Variants in DSC3 observed in about 807,000 individuals in gnomAD.
DSC3 encodes the protein desmocollin 3, also known as desmocollin-3.
DSC3 carries 97 observed loss-of-function variants against 89.5 expected under a neutral mutation model. The ratio of observed to expected loss-of-function variants is 1.08; its 90% CI spans 0.92 to 1.28. The LOEUF is 1.28. Ranked by LOEUF, DSC3 falls within the 50% of genes most tolerant of loss-of-function variation. DSC3 has a pLI of 0.00. For synonymous variants in DSC3, 436 were observed against 384.1 expected (o/e 1.14, Z -1.58); for missense variants, 1,199 against 1,085.3 (o/e 1.10, Z -1.47).
intron 1 of DSC3, 148 bp downstream of exon 1, chr18:31,042,444 C>T (rs1986164671): frequency 1.2e-6 from 1 of 804,132 alleles, no homozygotes. Flanking sequence ...TCCTGCAGGC[C>T]CGAACTTGGG....
chr18:31,027,645 T>A (rs1243636407), intron 4 of DSC3, among the ~76,000 whole-genome samples: 1 of 152,130 alleles, frequency 6.6e-6, no homozygotes, highest in East Asian at 1.9e-4. Context: ...GGAACATGGC[T>A]ATGGTGTTTT....
At chr18:31,029,166 T>C (rs1368258623) in intron 4 of DSC3, among the ~76,000 whole-genome samples, 1 of 152,174 alleles carries the variant, frequency 6.6e-6, no homozygotes, top group South Asian at 2.1e-4. Context: ...ATCCTACTTC[T>C]GTCTCCTTCA....
intron 1 of DSC3, among the ~76,000 whole-genome samples, chr18:31,037,272 C>T (rs2144740368): frequency 6.6e-6 from 1 of 152,218 alleles, no homozygotes; most frequent in Middle Eastern, 3.4e-3. Flanking sequence ...AAGCTTATAT[C>T]CATGAAACTT....
At chr18:31,013,693 A>G (rs1598538888) in intron 9 of DSC3, among the ~76,000 whole-genome samples, 1 of 152,292 alleles carries the variant, frequency 6.6e-6, no homozygotes, top group Admixed American at 6.5e-5. Context: ...ATGCTCAGCT[A>G]CACTGAAACA....
intron 9 of DSC3, among the ~76,000 whole-genome samples, chr18:31,015,193 G>A (rs1015062172): frequency 1.3e-5 from 2 of 151,936 alleles, no homozygotes; most frequent in African/African-American, 4.8e-5. Flanking sequence ...AATGTATTGG[G>A]GAAATTTTTG....
In DSC3 at chr18:30,992,447, A is replaced by C. The variant is rs1984298529; in HGVS notation, c.*1728T>G. The C allele has an allele frequency of 6.6e-6, 1 of 152,198 alleles. No individual in the cohort carries two copies. The highest frequency in any genetic ancestry group is 2.4e-5 in the African/African-American group (1 of 41,446). 9.4% of individuals were successfully genotyped at this position (152,198 alleles called of 1,614,324 possible). The stretch of plus-strand genomic sequence containing the variant: ...TCTCCTTGATTTCTCACTCCAAATA[A>C]GGTGAGCCATAGAGAAGAGGTTGGC... On this transcript the variant is annotated 3_prime_UTR_variant, in exon 16 of 16. Coordinates refer to ENST00000360428, the MANE Select transcript of DSC3 (RefSeq NM_001941.5).
Position 30,989,863 on chromosome 18 carries a change from C to A in DSC3, c.*4312G>T. ...TATCAGGTTGATAGGTGCAGCAAAC[C>A]ACCATGGGACACGTTTACCTATGTA... On this transcript the variant is annotated 3_prime_UTR_variant, in exon 16 of 16. Coordinates refer to ENST00000360428, the MANE Select transcript of DSC3 (RefSeq NM_001941.5). The A allele has an allele frequency of 6.6e-6, 1 of 152,536 alleles. No individual in the cohort carries two copies. The highest frequency in any genetic ancestry group is 2.0e-4 in the South Asian group (1 of 5,060). 9.4% of individuals were successfully genotyped at this position (152,536 alleles called of 1,614,324 possible).
rs1459603964 is a variant in DSC3, at chr18:30,992,415, A to C, written c.*1760T>G. On this transcript the variant is annotated 3_prime_UTR_variant, in exon 16 of 16. Coordinates refer to ENST00000360428, the MANE Select transcript of DSC3 (RefSeq NM_001941.5). ...ATGCCTTCAGACTCATCATGCAGTCAGCTCTGTCTCCTTGATTTCTCACTC... is the reference window on the plus strand; with the variant it reads ...ATGCCTTCAGACTCATCATGCAGTCCGCTCTGTCTCCTTGATTTCTCACTC... The C allele has an allele frequency of 6.6e-6, 1 of 152,258 alleles. No individual in the cohort carries two copies. Among genetic ancestry groups the C allele is most frequent in the Non-Finnish European group, 1.5e-5 (1 of 68,064 alleles). The allele number at this position is 152,258 out of a possible 1,614,324, so 9.4% of individuals were successfully genotyped here. A position where few individuals can be genotyped will look rare whatever the true frequency, so the allele number is the denominator to read the frequency against.
At chr18:31,037,460 A>G (rs1438016329) in intron 1 of DSC3, among the ~76,000 whole-genome samples, 1 of 152,240 alleles carries the variant, frequency 6.6e-6, no homozygotes, top group Admixed American at 6.5e-5. Flanking sequence ...TGCTGAACAG[A>G]AACACCTGTA....
intron 8 of DSC3, 128 bp from the exon 9 acceptor site, chr18:31,018,384 T>C (rs1404279268): frequency 2.5e-6 from 2 of 786,346 alleles, no homozygotes; most frequent in Non-Finnish European, 3.9e-6. Flanking sequence ...CTATGAATCG[T>C]AAACACTATT....
At chr18:31,027,065 C>T (rs78231221) in intron 4 of DSC3, among the ~76,000 whole-genome samples, 5 of 152,250 alleles carry the variant, frequency 3.3e-5, no homozygotes, top group East Asian at 3.9e-4. Context: ...CAATAAAATG[C>T]ACCTATTCCA....
intron 4 of DSC3, among the ~76,000 whole-genome samples, chr18:31,028,181 C>T (rs1985663045): frequency 6.6e-6 from 1 of 152,016 alleles, no homozygotes; most frequent in African/African-American, 2.4e-5. Context: ...ATTGACTGAG[C>T]CCTGGAGCTC....
Position 31,025,745 on chromosome 18 carries a change from C to G in DSC3, c.630+15G>C, listed in dbSNP as rs1440459662. 6.2e-7 allele frequency: 1 copy of G among 1,611,414 alleles called. No homozygotes were observed. Among genetic ancestry groups the G allele is most frequent in the Non-Finnish European group, 8.5e-7 (1 of 1,178,044 alleles). ...TTTAATAATTTAAAGTCAGGCATAT[C>G]AATAAAAGTCCTACATCAAAAACAT... On this transcript the variant is annotated intron_variant, in intron 5 of 15. Coordinates refer to ENST00000360428, the MANE Select transcript of DSC3 (RefSeq NM_001941.5).
rs1319461779 is a variant in DSC3, at chr18:31,031,185, A to T, written c.155-13T>A. 1 of 1,598,306 alleles carries T rather than the reference A, an allele frequency of 6.3e-7. No homozygotes were observed. The highest frequency in any genetic ancestry group is 8.5e-7 in the Non-Finnish European group (1 of 1,169,904). ...TCTTCCAAATTAACTGCAAGTAAAA[A>T]TTTCCAAGTTGTAAGGTAAAAACAC... is the stretch of plus-strand genomic sequence containing the variant. On this transcript the variant is annotated splice_polypyrimidine_tract_variant and intron_variant, in intron 2 of 15. Coordinates refer to ENST00000360428, the MANE Select transcript of DSC3 (RefSeq NM_001941.5).
chr18:31,032,520 T>C (rs978236798), intron 1 of DSC3, among the ~76,000 whole-genome samples: 3 of 151,260 alleles, frequency 2.0e-5, no homozygotes, highest in Non-Finnish European at 4.4e-5. Context: ...AACAAGACAA[T>C]GATGTCTGCT....
chr18:31,008,698 T>C (rs1411432421), intron 9 of DSC3, among the ~76,000 whole-genome samples, 173 bp from the exon 10 acceptor site: 2 of 152,226 alleles, frequency 1.3e-5, no homozygotes, highest in Non-Finnish European at 1.5e-5. Context: ...GCTAAGCCTC[T>C]ACCAAGAATG....
chr18:31,001,472 C>A, intron 14 of DSC3, 146 bp downstream of exon 14: 1 of 904,114 alleles, frequency 1.1e-6, no homozygotes, highest in Non-Finnish European at 1.6e-6. Flanking sequence ...ACTATATAAA[C>A]ATATGAATAT....
chr18:31,037,522 G>T (rs1986008821), intron 1 of DSC3, among the ~76,000 whole-genome samples: 1 of 152,108 alleles, frequency 6.6e-6, no homozygotes, highest in Non-Finnish European at 1.5e-5. Context: ...TTACAGTTTT[G>T]CCATTAATTA....
At chr18:31,019,374 G>T (rs1002581372) in intron 7 of DSC3, among the ~76,000 whole-genome samples, 1 of 152,086 alleles carries the variant, frequency 6.6e-6, no homozygotes, top group Non-Finnish European at 1.5e-5. Context: ...CAGGCATAAG[G>T]CAGCACACCC....
Sources: gnomAD v4.1 joint callset for allele counts (sites outside exome capture counted in the v4.1 genomes callset) on GRCh38, gnomAD v4.1.1 for gene constraint, MANE v1.5 for transcripts, NCBI Gene and HGNC (gene_info 2026-07-23, HGNC 2026-07-21) for gene names.